The following EMX1 variants were observed in gnomAD, a reference collection of about 807,000 sequenced individuals.
EMX1 encodes homeobox protein EMX1.
Under a neutral mutation model 20.1 loss-of-function variants are expected in EMX1, and 10 were observed. The ratio of observed to expected loss-of-function variants is 0.50; its 90% CI spans 0.31 to 0.84. EMX1 has a LOEUF of 0.84. EMX1 is among the 40% of genes least tolerant of loss of function. The pLI, the probability that EMX1 is intolerant of heterozygous loss-of-function variation, is 0.05. For missense variants in EMX1, 424 were observed against 431.9 expected, an observed-to-expected ratio of 0.98 and a Z score of 0.16; for synonymous variants, 250 against 200.4, an observed-to-expected ratio of 1.25 and a Z score of -2.09.
chr2:72,926,502 G>A (rs1320608023), intron 2 of EMX1: 1 of 189,826 alleles, frequency 5.3e-6, no homozygotes, highest in Non-Finnish European at 9.7e-6. Context: ...ACCTGCCGTG[G>A]CAGCCTGTCC....
chr2:72,917,072 G>C (rs1204756112), upstream of EMX1: 5 of 640,384 alleles, frequency 7.8e-6, no homozygotes, highest in African/African-American at 1.8e-5. Context: ...TGGGTGAGTG[G>C]GAGAGTCCCG....
Position 72,924,416 on chromosome 2 carries a change from G to A in EMX1, c.628G>A (p.Ala210Thr). The A allele has an allele frequency of 6.3e-7, 1 of 1,594,636 alleles. No individual in the cohort carries two copies. Among genetic ancestry groups the A allele is most frequent in the Non-Finnish European group, 8.5e-7 (1 of 1,175,546 alleles). ...SPSQLLRLER[A>T]FEKNHYVVGA... ...CTCGCAGCTGCTGCGGCTGGAGCGC[G>A]CCTTCGAGAAGAACCACTACGTGGT... Residue 210 changes from alanine (A) to threonine (T), a missense_variant, in exon 2 of 3, where the codon GCC (alanine) becomes ACC (threonine). Ala to Thr is a moderately conservative substitution (Grantham distance 58). Coordinates refer to ENST00000258106, the MANE Select transcript of EMX1 (RefSeq NM_004097.3).
In EMX1 at chr2:72,921,060, C is replaced by T. The variant is rs10204072; in HGVS notation, c.520+2688C>T. ...CTCCGCCCAGCCGTCCGGCCCTGAG[C>T]CCCTGGCCGGCGGCGGCCTCTCCAG... On this transcript the variant is annotated intron_variant, in intron 1 of 2. Coordinates refer to ENST00000258106, the MANE Select transcript of EMX1 (RefSeq NM_004097.3). Among the ~76,000 whole-genome samples the T allele has an allele frequency of 6.8e-3, 1,032 of 152,048 alleles. 9 individuals carry two copies. Among genetic ancestry groups the T allele is most frequent in the Non-Finnish European group, 0.011 (735 of 68,024 alleles).
chr2:72,919,180 TACACACAC>T lies in EMX1; in HGVS notation c.520+839_520+846del, dbSNP rs70963149. ...GCTAATAAAGATCCTCCACTGGCCC[TACACACAC>T]ACACACACACACACACACACACACA... On this transcript the variant is annotated intron_variant, in intron 1 of 2. Transcript: ENST00000258106. Among the ~76,000 whole-genome samples the T allele has an allele frequency of 1.9e-3, 265 of 142,614 alleles. 1 individual carries two copies. Among genetic ancestry groups the T allele is most frequent in the Non-Finnish European group, 3.3e-3 (215 of 64,836 alleles). 93.6% of individuals were successfully genotyped at this position (142,614 alleles called of 152,430 possible).
chr2:72,918,234 C>T lies in EMX1; in HGVS notation c.382C>T (p.Leu128=). 6.3e-7 allele frequency: 1 copy of T among 1,581,534 alleles called. No individual in the cohort carries two copies. The highest frequency in any genetic ancestry group is 8.5e-7 in the Non-Finnish European group (1 of 1,173,976). Residue 128 remains leucine, a synonymous_variant, in exon 1 of 3, where the codon CTG becomes TTG. Transcript: ENST00000258106. ...VFPEAMNHPA[L]TVHPAHQLGA... is the part of the protein sequence containing the mutation. ...CCCCGAGGCCATGAACCACCCCGCG[C>T]TGACCGTGCATCCGGCGCACCAGCT... is the stretch of plus-strand genomic sequence containing the variant.
At chr2:72,931,312 C>T (rs1404320167) in intron 2 of EMX1, among the ~76,000 whole-genome samples, 4 of 152,224 alleles carry the variant, frequency 2.6e-5, no homozygotes, top group East Asian at 3.9e-4. Flanking sequence ...CCAATGTGAC[C>T]GTCAGTCTCC....
chr2:72,930,540 G>C lies in EMX1; in HGVS notation c.706-3247G>C, dbSNP rs566463228. Among the ~76,000 whole-genome samples, 31 of 152,286 alleles carry C rather than the reference G, an allele frequency of 2.0e-4. No homozygotes were observed. The highest frequency in any genetic ancestry group is 6.7e-4 in the African/African-American group (28 of 41,552). On this transcript the variant is annotated intron_variant, in intron 2 of 2. Transcript: ENST00000258106. The surrounding 1 kb of genome is among the most constrained non-coding windows in gnomAD (Gnocchi z 4.4). ...TTGCTACAGCAGAGAGGTCAGAGTGGGCAAGGGGTCCTCCAGCTAACATTC... is the reference window on the plus strand; with the variant it reads ...TTGCTACAGCAGAGAGGTCAGAGTGCGCAAGGGGTCCTCCAGCTAACATTC...
At chr2:72,916,320 C>T (rs543708732), upstream of EMX1, 46 of 285,756 alleles carry the variant, frequency 1.6e-4, no homozygotes, top group Non-Finnish European at 2.6e-4. Flanking sequence ...CCCAGATCTG[C>T]GCGCCCAGGC....
rs1030556964 is a variant in EMX1 at position 72,930,284 on chromosome 2, T to C, written c.706-3503T>C. Among the ~76,000 whole-genome samples the C allele has an allele frequency of 5.9e-5, 9 of 152,136 alleles. No individual in the cohort carries two copies. The highest frequency in any genetic ancestry group is 1.3e-4 in the Non-Finnish European group (9 of 68,024). ...AGGCAGACGTAAATAAATAAATTAG[T>C]GCACAGTGGGGGTCACTGTTACTGA... On this transcript the variant is annotated intron_variant, in intron 2 of 2. Transcript: ENST00000258106. This position sits in a 1 kb window ranked among gnomAD's most constrained non-coding sequence, Gnocchi z 4.4.
At position 72,920,237 on chromosome 2, in the gene EMX1, A is replaced by C. The variant is rs144308872; in HGVS notation, c.520+1865A>C. Among the ~76,000 whole-genome samples, 112 of 152,322 alleles carry C rather than the reference A, an allele frequency of 7.4e-4. 1 individual carries two copies. In the East Asian group the frequency reaches 7.9e-3, roughly 11 times the overall value. ...GGCTCTGAGCGTCTCCAGTCAGGCG[A>C]GGCGGATAAATCCTTCGCAAAACCC... On this transcript the variant is annotated intron_variant, in intron 1 of 2. Coordinates refer to ENST00000258106, the MANE Select transcript of EMX1 (RefSeq NM_004097.3).
At chr2:72,932,841 G>A (rs1242931375) in intron 2 of EMX1, 1 of 152,322 alleles carries the variant, frequency 6.6e-6, no homozygotes, top group Non-Finnish European at 1.5e-5. Flanking sequence ...GCTCACTTCT[G>A]TCCCCTGGGC....
Position 72,933,857 on chromosome 2 carries a change from C to G in EMX1, c.776C>G (p.Ser259Cys), listed in dbSNP as rs764275308. 7 of 1,614,116 alleles carry G rather than the reference C, an allele frequency of 4.3e-6. No individual in the cohort carries two copies. The highest frequency in any genetic ancestry group is 5.1e-6 in the Non-Finnish European group (6 of 1,180,034). Residue 259 changes from serine (S) to cysteine (C), a missense_variant, in exon 3 of 3, where the codon TCC becomes TGC. Ser to Cys is a moderately radical substitution (Grantham distance 112). Transcript: ENST00000258106. ...AAGCTGGAGGAGGAAGGGCCTGAGT[C>G]CGAGCAGAAGAAGAAGGGCTCCCAT... ...RQKLEEEGPE[S>C]EQKKKGSHHI...
chr2:72,918,484 T>C, intron 1 of EMX1, 112 bp downstream of exon 1: 2 of 1,291,906 alleles, frequency 1.5e-6, no homozygotes, highest in Non-Finnish European at 2.0e-6. Flanking sequence ...CCGGGAAGGC[T>C]GCAGGTCCGC....
chr2:72,921,367 C>T (rs1015212432), intron 1 of EMX1, among the ~76,000 whole-genome samples: 1 of 152,218 alleles, frequency 6.6e-6, no homozygotes, highest in Non-Finnish European at 1.5e-5. Context: ...CCCAGAATTA[C>T]TGCGTCCAAA....
chr2:72,927,730 G>T (rs1671227754), intron 2 of EMX1, among the ~76,000 whole-genome samples: 1 of 152,246 alleles, frequency 6.6e-6, no homozygotes. Context: ...GCTCTGGGAG[G>T]CAGAGGCCAA....
upstream of EMX1, chr2:72,916,354 C>T (rs181372848): frequency 2.7e-6 from 1 of 364,274 alleles, no homozygotes; most frequent in East Asian, 6.8e-5. Context: ...CTAGAATGGA[C>T]CCCGGCAGCG....
intron 2 of EMX1, among the ~76,000 whole-genome samples, chr2:72,931,414 A>T (rs1277310189): frequency 6.6e-6 from 1 of 151,996 alleles, no homozygotes; most frequent in Non-Finnish European, 1.5e-5. Context: ...CCTGACAGTC[A>T]CCTTCGGCCA....
chr2:72,925,459 G>A, intron 2 of EMX1: 1 of 1,288,396 alleles, frequency 7.8e-7, no homozygotes, highest in Non-Finnish European at 1.0e-6. Flanking sequence ...TTGGAGTGGG[G>A]CTCAGCGACC....
intron 2 of EMX1, among the ~76,000 whole-genome samples, chr2:72,926,700 G>C (rs770228328): frequency 1.2e-4 from 18 of 152,192 alleles, no homozygotes; most frequent in Non-Finnish European, 2.1e-4. Context: ...CCTCATATGA[G>C]CTCAAATAAT....
Sources: allele counts gnomAD v4.1 joint callset (sites outside exome capture counted in the v4.1 genomes callset), GRCh38; gene constraint gnomAD v4.1.1; non-coding constraint Gnocchi (gnomAD v3.1); transcripts MANE v1.5; gene names NCBI Gene and HGNC (gene_info 2026-07-23, HGNC 2026-07-21).